The following TENM4 variants were observed in gnomAD, a reference collection of about 807,000 sequenced individuals.
TENM4 encodes the protein teneurin transmembrane protein 4, also known as teneurin-4.
TENM4 carries 82 observed loss-of-function variants against 243.3 expected under a neutral mutation model. The ratio of observed to expected loss-of-function variants is 0.34; its 90% CI spans 0.28 to 0.40. TENM4 has a LOEUF of 0.40. Among genes scored for constraint, TENM4 ranks in the 10% least tolerant of loss-of-function variants. TENM4 has a pLI of 1.00. For missense variants in TENM4, 3,138 were observed against 3,673.3 expected, an observed-to-expected ratio of 0.85 and a Z score of 3.77; for synonymous variants, 1,412 against 1,456.3, an observed-to-expected ratio of 0.97 and a Z score of 0.69.
Position 79,358,338 on chromosome 11 carries a change from T to C in TENM4, c.-320-60795A>G, listed in dbSNP as rs375596943. Among the ~76,000 whole-genome samples the C allele has an allele frequency of 1.3e-4, 20 of 152,290 alleles. 3 individuals are homozygous for C. Among genetic ancestry groups the C allele is most frequent in the Admixed American group, 5.2e-4 (8 of 15,288 alleles). On this transcript the variant is annotated intron_variant, in intron 1 of 33. Coordinates refer to ENST00000278550, the MANE Select transcript of TENM4 (RefSeq NM_001098816.3). ...TATTACATCTTGTTGATCAGAAGCC[T>C]GGAAAGCCATGATTATCAGGCGGCT... is the stretch of plus-strand genomic sequence containing the variant.
At chr11:79,226,725 C>T (rs1864273836) in intron 2 of TENM4, among the ~76,000 whole-genome samples, 1 of 152,130 alleles carries the variant, frequency 6.6e-6, no homozygotes, top group Non-Finnish European at 1.5e-5. Flanking sequence ...TAGACTTTAC[C>T]GCCCCCTCCC....
chr11:78,740,869 G>T (rs997840731), intron 19 of TENM4, among the ~76,000 whole-genome samples: 3 of 152,168 alleles, frequency 2.0e-5, no homozygotes, highest in African/African-American at 7.2e-5. Flanking sequence ...CATTGAATCG[G>T]CACCATTTGG....
intron 15 of TENM4, among the ~76,000 whole-genome samples, chr11:78,788,667 G>A (rs1370100736): frequency 6.6e-6 from 1 of 152,272 alleles, no homozygotes; most frequent in African/African-American, 2.4e-5. Context: ...CAAAGATCAA[G>A]CAACTCAAGA....
chr11:79,211,490 C>G (rs1178144564), intron 3 of TENM4, among the ~76,000 whole-genome samples: 1 of 152,200 alleles, frequency 6.6e-6, no homozygotes, highest in Non-Finnish European at 1.5e-5. Flanking sequence ...AACAATGCTA[C>G]AACATCATTT....
intron 4 of TENM4, among the ~76,000 whole-genome samples, chr11:79,102,703 A>G (rs576686421): frequency 1.3e-5 from 2 of 152,236 alleles, no homozygotes; most frequent in Non-Finnish European, 2.9e-5. Flanking sequence ...TTCCAAAGCA[A>G]CTCTGTCCAA....
intron 1 of TENM4, among the ~76,000 whole-genome samples, chr11:79,318,000 G>T (rs1006859193): frequency 1.3e-5 from 2 of 152,148 alleles, no homozygotes; most frequent in South Asian, 2.1e-4. Flanking sequence ...GCCAGTGATT[G>T]TAAGAAACAG....
intron 6 of TENM4, among the ~76,000 whole-genome samples, chr11:79,062,107 G>A (rs1860107152): frequency 6.6e-6 from 1 of 151,736 alleles, no homozygotes; most frequent in African/African-American, 2.4e-5. Flanking sequence ...GATTACAAGT[G>A]TGCACCACCA....
At chr11:79,307,876 C>G (rs976774148) in intron 1 of TENM4, among the ~76,000 whole-genome samples, 1 of 152,234 alleles carries the variant, frequency 6.6e-6, no homozygotes, top group South Asian at 2.1e-4. Flanking sequence ...ACCGTGCTCT[C>G]CCACATGGGA....
At chr11:78,724,330 G>A (rs1363696843) in intron 23 of TENM4, among the ~76,000 whole-genome samples, 3 of 152,156 alleles carry the variant, frequency 2.0e-5, no homozygotes, top group Admixed American at 2.0e-4. Context: ...GGCCTCAAGC[G>A]ATCCTCTCGC....
intron 17 of TENM4, among the ~76,000 whole-genome samples, chr11:78,775,076 T>A (rs535243785): frequency 6.6e-6 from 1 of 152,306 alleles, no homozygotes; most frequent in East Asian, 1.9e-4. Flanking sequence ...CATCCTATAT[T>A]CTTATTGTAG....
At chr11:78,899,571 G>GGGGAAAAAAA (rs1565430077) in intron 7 of TENM4, among the ~76,000 whole-genome samples, 1 of 79,378 alleles carries the variant, frequency 1.3e-5, no homozygotes, top group Non-Finnish European at 2.7e-5. Flanking sequence ...GGGGGGGGGG[G>GGGGAAAAAAA]AAAAAGAAAA....
intron 12 of TENM4, among the ~76,000 whole-genome samples, chr11:78,834,725 C>T (rs1858062554): frequency 6.6e-6 from 1 of 152,120 alleles, no homozygotes; most frequent in African/African-American, 2.4e-5. Flanking sequence ...CTGGAAGCTC[C>T]TTGTTGATAT....
In TENM4 at chr11:78,672,353, G is replaced by C. The variant is rs1037028457; in HGVS notation, c.5497-24C>G. 11 of 1,596,116 alleles carry C rather than the reference G, an allele frequency of 6.9e-6. No individual in the cohort carries two copies. In the African/African-American group the frequency reaches 9.4e-5, roughly 14 times the overall value. ...ACCTGGAGAAAGGGTTGGAAGGAAAGAGAAAATTAATCTGGACCATGAGAA... is the reference window on the plus strand; with the variant it reads ...ACCTGGAGAAAGGGTTGGAAGGAAACAGAAAATTAATCTGGACCATGAGAA... On this transcript the variant is annotated intron_variant, in intron 30 of 33. Transcript: ENST00000278550.
Position 78,756,961 on chromosome 11 carries a change from G to T in TENM4, c.2600C>A (p.Pro867Gln), listed in dbSNP as rs774317123. Residue 867 changes from proline to glutamine, a missense_variant, in exon 19 of 34, where the codon CCG becomes CAG. Transcript: ENST00000278550. ...AGGGTTAGGGGAGCCAAGGCACAGCGGGTTGATATGGCACAGGGGCTGGAG... is the reference window on the plus strand; with the variant it reads ...AGGGTTAGGGGAGCCAAGGCACAGCTGGTTGATATGGCACAGGGGCTGGAG... Reference protein sequence around the residue: ...CCLQPLCHINPLCLGSPNPLD... With the variant: ...CCLQPLCHINQLCLGSPNPLD... 6.2e-7 allele frequency: 1 copy of T among 1,613,982 alleles called. No homozygotes were observed. Among genetic ancestry groups the T allele is most frequent in the African/African-American group, 1.3e-5 (1 of 75,048 alleles).
At chr11:79,032,780 C>T (rs907640209) in intron 6 of TENM4, among the ~76,000 whole-genome samples, 2 of 152,174 alleles carry the variant, frequency 1.3e-5, no homozygotes, top group Non-Finnish European at 2.9e-5. Context: ...ATACTTCTCC[C>T]CTAATGTCCC....
At chr11:79,163,549 C>T (rs11237735) in intron 3 of TENM4, among the ~76,000 whole-genome samples, 38,893 of 151,484 alleles carry the variant, frequency 0.26, 5,112 homozygotes, top group East Asian at 0.32. Context: ...CCCCTCCTAC[C>T]CTTTCCCCTG....
At chr11:79,026,999 C>G (rs563123992) in intron 6 of TENM4, among the ~76,000 whole-genome samples, 2 of 152,052 alleles carry the variant, frequency 1.3e-5, no homozygotes, top group Non-Finnish European at 2.9e-5. Context: ...AATCAGTATC[C>G]TGGGTGTTCT....
chr11:79,255,009 GC>G (rs771019703), intron 2 of TENM4, among the ~76,000 whole-genome samples: 1 of 152,182 alleles, frequency 6.6e-6, no homozygotes, highest in Non-Finnish European at 1.5e-5. Flanking sequence ...CATATGCCTT[GC>G]AGATGATGGG....
intron 6 of TENM4, among the ~76,000 whole-genome samples, chr11:78,987,413 C>T (rs538414831): frequency 1.3e-5 from 2 of 152,332 alleles, no homozygotes; most frequent in East Asian, 1.9e-4. Context: ...AGAGTCCACA[C>T]CACATGATTC....
Sources: gnomAD v4.1 joint callset for allele counts (sites outside exome capture counted in the v4.1 genomes callset) on GRCh38, gnomAD v4.1.1 for gene constraint, MANE v1.5 for transcripts, NCBI Gene and HGNC (gene_info 2026-07-23, HGNC 2026-07-21) for gene names.